The following EPHA5 variants were observed in gnomAD, a reference collection of about 807,000 sequenced individuals.
EPHA5 encodes ephrin type-A receptor 5.
A neutral mutation model predicts 105.0 loss-of-function variants in EPHA5; 60 were observed. That is an observed-to-expected ratio of 0.57 (90% CI 0.46 to 0.71). The LOEUF (loss-of-function observed/expected upper bound fraction) is 0.71, where lower values mean the gene tolerates loss of function less well. Ranked by LOEUF, EPHA5 falls within the 30% of genes least tolerant of loss-of-function variation. The pLI is 0.00. For synonymous variants in EPHA5, 513 were observed against 449.1 expected, an observed-to-expected ratio of 1.14 and a Z score of -1.80; for missense variants, 1,218 against 1,274.7, an observed-to-expected ratio of 0.96 and a Z score of 0.68.
In EPHA5 at chr4:65,324,118, A is replaced by G; in HGVS notation, c.3047T>C (p.Leu1016Ser). Residue 1016 changes from leucine (L) to serine (S), a missense_variant, in exon 17 of 17, where the codon TTG (leucine) becomes TCG (serine). Transcript: ENST00000613740. The stretch of plus-strand genomic sequence containing the variant: ...AGAAGCGACATTTACATGAAGTTAC[A>G]ATGGCACCATTCCGTTTACCAGCTG... Reference protein sequence around the residue: ...KVQLVNGMVPL With the variant: ...KVQLVNGMVPS 6.2e-7 allele frequency: 1 copy of G among 1,604,448 alleles called. No homozygotes were observed. Among genetic ancestry groups the G allele is most frequent in the Non-Finnish European group, 8.5e-7 (1 of 1,172,792 alleles).
At chr4:65,543,426 A>G (rs1373939124) in intron 3 of EPHA5, among the ~76,000 whole-genome samples, 2 of 152,010 alleles carry the variant, frequency 1.3e-5, no homozygotes, top group African/African-American at 2.4e-5. Context: ...CTATACACCA[A>G]CAATAGACAA....
chr4:65,564,278 C>T (rs1329442875), intron 3 of EPHA5, among the ~76,000 whole-genome samples: 2 of 151,820 alleles, frequency 1.3e-5, no homozygotes, highest in Admixed American at 6.6e-5. Context: ...CCAAAAGATG[C>T]TTTGACTAAA....
At chr4:65,596,155 C>T (rs948029421) in intron 3 of EPHA5, among the ~76,000 whole-genome samples, 2 of 152,156 alleles carry the variant, frequency 1.3e-5, no homozygotes, top group Admixed American at 6.5e-5. Flanking sequence ...CAAAGGTATC[C>T]AGTCCATAAA....
intron 3 of EPHA5, among the ~76,000 whole-genome samples, chr4:65,511,891 G>A (rs1289326713): frequency 6.6e-6 from 1 of 152,102 alleles, no homozygotes; most frequent in African/African-American, 2.4e-5. Flanking sequence ...ATGTACACTT[G>A]GCTGAAATAC....
At chr4:65,496,553 A>G (rs914832977) in intron 3 of EPHA5, among the ~76,000 whole-genome samples, 4 of 151,282 alleles carry the variant, frequency 2.6e-5, no homozygotes, top group Admixed American at 2.6e-4. Context: ...TACAAAGGAC[A>G]TGAACTCATC....
intron 1 of EPHA5, among the ~76,000 whole-genome samples, chr4:65,652,876 A>G (rs1038073949): frequency 6.6e-6 from 1 of 152,052 alleles, no homozygotes; most frequent in Non-Finnish European, 1.5e-5. Context: ...GAAAGCAACA[A>G]AGTAATAATG....
At chr4:65,508,237 T>C (rs981588410) in intron 3 of EPHA5, among the ~76,000 whole-genome samples, 3 of 152,148 alleles carry the variant, frequency 2.0e-5, no homozygotes, top group Admixed American at 6.6e-5. Flanking sequence ...ATTTGAAGTA[T>C]ACATTATTTT....
At chr4:65,357,529 T>A (rs1299505551) in intron 11 of EPHA5, among the ~76,000 whole-genome samples, 11 of 151,492 alleles carry the variant, frequency 7.3e-5, no homozygotes, top group Admixed American at 3.3e-4. Flanking sequence ...CAATAAATAT[T>A]CTATTTTTAT....
At chr4:65,416,318 C>A (rs1000112852) in intron 6 of EPHA5, among the ~76,000 whole-genome samples, 1 of 151,950 alleles carries the variant, frequency 6.6e-6, no homozygotes, top group African/African-American at 2.4e-5. Context: ...CAACTCTGAA[C>A]CTCAGTTTTT....
At chr4:65,521,213 A>G (rs555263047) in intron 3 of EPHA5, among the ~76,000 whole-genome samples, 2 of 152,188 alleles carry the variant, frequency 1.3e-5, no homozygotes, top group African/African-American at 2.4e-5. Flanking sequence ...TGATGAGTTC[A>G]TGTCCTTTGT....
chr4:65,405,623 C>T (rs914958855), intron 7 of EPHA5, among the ~76,000 whole-genome samples: 1 of 152,016 alleles, frequency 6.6e-6, no homozygotes, highest in Admixed American at 6.6e-5. Flanking sequence ...GTAGTTAGAT[C>T]CCAATATTAT....
intron 1 of EPHA5, among the ~76,000 whole-genome samples, chr4:65,656,585 TATTATATATA>T (rs1749084198): frequency 6.8e-6 from 1 of 147,482 alleles, no homozygotes; most frequent in South Asian, 2.1e-4. Flanking sequence ...TTTATATATA[TATTATATATA>T]TATAATATAT....
chr4:65,495,419 T>C lies in EPHA5; in HGVS notation c.1035A>G (p.Arg345=). ...SCVCEKDYFR[R]ESDPPTMACT... ...ATGCCATTGTGGGTGGATCAGACTC[T>C]CTCCTGAAATAATCCTTTTCACAGA... Residue 345 remains arginine (R), a synonymous_variant, in exon 4 of 17, where the codon AGA becomes AGG. Coordinates refer to ENST00000613740, the MANE Select transcript of EPHA5 (RefSeq NM_001281766.3). 1 of 1,613,580 alleles carries C rather than the reference T, an allele frequency of 6.2e-7. No homozygotes were observed. Among genetic ancestry groups the C allele is most frequent in the Non-Finnish European group, 8.5e-7 (1 of 1,179,688 alleles).
chr4:65,449,388 A>G (rs759170957), intron 5 of EPHA5, among the ~76,000 whole-genome samples: 11 of 152,198 alleles, frequency 7.2e-5, no homozygotes, highest in Admixed American at 2.6e-4. Context: ...ACACATTTGT[A>G]CACTTTGGTG....
At chr4:65,435,164 C>T (rs4507418) in intron 5 of EPHA5, among the ~76,000 whole-genome samples, 1 of 151,938 alleles carries the variant, frequency 6.6e-6, no homozygotes, top group Non-Finnish European at 1.5e-5. Context: ...ACACCCTGGG[C>T]AAGTTCATGA....
intron 2 of EPHA5, among the ~76,000 whole-genome samples, chr4:65,622,118 G>A (rs1035790339): frequency 2.0e-4 from 31 of 152,032 alleles, no homozygotes; most frequent in African/African-American, 7.0e-4. Context: ...CATTACTCCC[G>A]TGTAACTATA....
intron 4 of EPHA5, among the ~76,000 whole-genome samples, chr4:65,492,950 C>A (rs1361294608): frequency 1.3e-5 from 2 of 150,584 alleles, no homozygotes; most frequent in East Asian, 3.9e-4. Context: ...TGAGAAATAT[C>A]TCTAAGTTAG....
chr4:65,420,686 AT>A, intron 5 of EPHA5, 121 bp from the exon 6 acceptor site: 1 of 943,822 alleles, frequency 1.1e-6, no homozygotes. Flanking sequence ...TCCCAATTAA[AT>A]TTTAGTTTTT....
intron 5 of EPHA5, among the ~76,000 whole-genome samples, chr4:65,440,499 T>TACGCACACAC (rs1725904040): frequency 7.0e-6 from 1 of 143,358 alleles, no homozygotes; most frequent in Admixed American, 7.1e-5. Context: ...TCCTAAATCT[T>TACGCACACAC]ACACACACAC....
Sources: gnomAD v4.1 joint callset for allele counts (sites outside exome capture counted in the v4.1 genomes callset) on GRCh38, gnomAD v4.1.1 for gene constraint, MANE v1.5 for transcripts, NCBI Gene and HGNC (gene_info 2026-07-23, HGNC 2026-07-21) for gene names.